The following NDE1 variants were observed in gnomAD, a reference collection of about 807,000 sequenced individuals.
The protein encoded by NDE1 is nuclear distribution protein nudE homolog 1.
Under a neutral mutation model 43.4 loss-of-function variants are expected in NDE1, and 28 were observed. That is an observed-to-expected ratio of 0.65 (90% CI 0.48 to 0.89). The LOEUF (loss-of-function observed/expected upper bound fraction) is 0.89. NDE1 is among the 40% of genes least tolerant of loss of function. The pLI is 0.00. For missense variants in NDE1, 441 were observed against 434.1 expected (o/e 1.02, Z -0.14); for synonymous variants, 184 against 172.0 (o/e 1.07, Z -0.55).
In NDE1 at chr16:15,663,414, AT is replaced by A. The variant is rs201413391; in HGVS notation, c.-43-1313del. Among the ~76,000 whole-genome samples, 6 of 148,780 alleles carry A rather than the reference AT, an allele frequency of 4.0e-5. No homozygotes were observed. In the East Asian group the frequency reaches 6.0e-4, roughly 15 times the overall value. On this transcript the variant is annotated intron_variant, in intron 1 of 8. Coordinates refer to ENST00000396354, the MANE Select transcript of NDE1 (RefSeq NM_017668.3). ...GCCACCACGCCCAGCTAATTTTTGT[AT>A]TTTTTTTTAGTAGAGACGGAGTTTC... is the stretch of plus-strand genomic sequence containing the variant.
chr16:15,694,326 C>G, intron 7 of NDE1, 70 bp downstream of exon 7: 4 of 1,580,824 alleles, frequency 2.5e-6, no homozygotes, highest in South Asian at 1.2e-5. Context: ...GGGGGTTGAT[C>G]TAGTTCCTTC....
intron 8 of NDE1, chr16:15,719,432 G>T: frequency 6.8e-7 from 1 of 1,467,866 alleles, no homozygotes; most frequent in East Asian, 2.3e-5. Context: ...GGGAGGCCCC[G>T]TGAATACATA....
In NDE1 at chr16:15,724,568, CCGCGATCTGCCTGCGGGGGATCTCAG is replaced by C; in HGVS notation, c.*321_*346del. On this transcript the variant is annotated 3_prime_UTR_variant, in exon 9 of 9. Transcript: ENST00000396354. Reference sequence around the variant, plus strand: ...CAAGCACCATCGCACCAACACTCCACCGCGATCTGCCTGCGGGGGATCTCAGCGCAGAGAAGTTGAGAGGACCCATG... The same window carrying C: ...CAAGCACCATCGCACCAACACTCCACCGCAGAGAAGTTGAGAGGACCCATG... The C allele has an allele frequency of 1.2e-6, 2 of 1,610,442 alleles. No homozygotes were observed. Among genetic ancestry groups the C allele is most frequent in the Non-Finnish European group, 1.7e-6 (2 of 1,178,472 alleles).
At chr16:15,720,507 G>A (rs981908458) in intron 8 of NDE1, among the ~76,000 whole-genome samples, 50 of 152,068 alleles carry the variant, frequency 3.3e-4, no homozygotes, top group Non-Finnish European at 1.8e-4. Flanking sequence ...AGCACTTTGG[G>A]AGGCCAACAG....
At chr16:15,710,338 T>C (rs1375602139) in intron 8 of NDE1, among the ~76,000 whole-genome samples, 1 of 152,056 alleles carries the variant, frequency 6.6e-6, no homozygotes, top group African/African-American at 2.4e-5. Flanking sequence ...CCAGCCAGTA[T>C]GGTGAAACCT....
chr16:15,696,831 C>A lies in NDE1; in HGVS notation c.918C>A (p.Ser306Arg). The A allele has an allele frequency of 6.2e-7, 1 of 1,614,194 alleles. No homozygotes were observed. The highest frequency in any genetic ancestry group is 8.5e-7 in the Non-Finnish European group (1 of 1,180,034). ...KNRDGGERRPSSTSVPLGDKG... is the reference protein window; with the variant it reads ...KNRDGGERRPRSTSVPLGDKG... ...GAGATGGCGGGGAGAGACGGCCAAG[C>A]AGCACCAGCGTGCCTTTGGGTGATA... is the stretch of plus-strand genomic sequence containing the variant. Residue 306 changes from serine (S) to arginine (R), a missense_variant, in exon 8 of 9, where the codon AGC becomes AGA. Transcript: ENST00000396354.
chr16:15,681,995 T>C (rs2038206580), intron 4 of NDE1, among the ~76,000 whole-genome samples: 1 of 152,260 alleles, frequency 6.6e-6, no homozygotes, highest in African/African-American at 2.4e-5. Flanking sequence ...CTCCAAGGTT[T>C]ATAAAGCAAT....
At chr16:15,657,983 C>T (rs2036854394) in intron 1 of NDE1, among the ~76,000 whole-genome samples, 1 of 152,174 alleles carries the variant, frequency 6.6e-6, no homozygotes, top group East Asian at 1.9e-4. Context: ...AGAAATCTAA[C>T]CCCAACTGGT....
At position 15,725,194 on chromosome 16, in the gene NDE1, C is replaced by T. The variant is rs149894916; in HGVS notation, c.*943C>T. ...AACAGAATCTGTGGCTTGAAGGGAA[C>T]TCCGTCACCTATGAGTTGGGACCCT... is the stretch of plus-strand genomic sequence containing the variant. On this transcript the variant is annotated 3_prime_UTR_variant, in exon 9 of 9. Transcript: ENST00000396354. 352 of 619,836 alleles carry T rather than the reference C, an allele frequency of 5.7e-4. No homozygotes were observed. The East Asian group carries it at 9.4e-3, about 17-fold the overall frequency. The allele number at this position is 619,836 out of a possible 1,614,324, so 38.4% of individuals were successfully genotyped here.
chr16:15,664,545 C>CG (rs1258723415), intron 1 of NDE1, among the ~76,000 whole-genome samples, 191 bp from the exon 2 acceptor site: 3 of 152,032 alleles, frequency 2.0e-5, no homozygotes, highest in African/African-American at 7.2e-5. Context: ...TTAGTAGAGA[C>CG]GGGGTTTCAC....
rs1448853511 is a variant in NDE1, at chr16:15,704,031, G to T, written c.947+7171G>T. The T allele has an allele frequency of 6.2e-7, 1 of 1,614,118 alleles. No homozygotes were observed. Among genetic ancestry groups the T allele is most frequent in the Non-Finnish European group, 8.5e-7 (1 of 1,180,030 alleles). On this transcript the variant is annotated intron_variant, in intron 8 of 8. Transcript: ENST00000396354. ...GGTTCCATTGAAGTCTGCGTCTCGA[G>T]TGTCCGTTTCCTCCTCAGAACCATC... is the stretch of plus-strand genomic sequence containing the variant.
chr16:15,716,856 C>T (rs1022769562), intron 8 of NDE1, among the ~76,000 whole-genome samples: 2 of 152,176 alleles, frequency 1.3e-5, no homozygotes, highest in African/African-American at 2.4e-5. Flanking sequence ...CCTGCAGAGG[C>T]TGGGAAAAGT....
intron 8 of NDE1, among the ~76,000 whole-genome samples, chr16:15,716,827 G>T (rs8058678): frequency 0.023 from 3,554 of 152,222 alleles, 68 homozygotes; most frequent in South Asian, 0.068. Context: ...TTGGATTTTT[G>T]ATCTGTCAGC....
At chr16:15,676,930 G>A (rs1338318495) in intron 3 of NDE1, among the ~76,000 whole-genome samples, 2 of 152,152 alleles carry the variant, frequency 1.3e-5, no homozygotes, top group South Asian at 2.1e-4. Flanking sequence ...CCATGTTGCC[G>A]TGTGGATGAG....
chr16:15,652,042 G>A (rs2036531482), intron 1 of NDE1: 1 of 151,836 alleles, frequency 6.6e-6, no homozygotes, highest in African/African-American at 2.4e-5. Flanking sequence ...TGAGTAGCTG[G>A]GATTACAGGT....
chr16:15,650,274 G>A lies in NDE1; in HGVS notation c.-64G>A. The A allele has an allele frequency of 3.2e-6, 1 of 313,964 alleles. No individual in the cohort carries two copies. The highest frequency in any genetic ancestry group is 6.6e-6 in the Non-Finnish European group (1 of 152,302). The allele number at this position is 313,964 out of a possible 1,614,324, so 19.4% of individuals were successfully genotyped here. ...CCGCCTCTGCCGCCGCCGCCGCGTTGGCCTCGCCGCCCCTGCTCGGGTAAG... is the reference window on the plus strand; with the variant it reads ...CCGCCTCTGCCGCCGCCGCCGCGTTAGCCTCGCCGCCCCTGCTCGGGTAAG... On this transcript the variant is annotated 5_prime_UTR_variant, in exon 1 of 9. Transcript: ENST00000396354.
At chr16:15,719,515 G>C in intron 8 of NDE1, 4 of 1,607,780 alleles carry the variant, frequency 2.5e-6, no homozygotes, top group Non-Finnish European at 3.4e-6. Flanking sequence ...GGAATGCACA[G>C]ACTGGAGCTG....
intron 6 of NDE1, 70 bp from the exon 7 acceptor site, chr16:15,694,095 T>A: frequency 1.3e-5 from 20 of 1,568,846 alleles, no homozygotes; most frequent in Non-Finnish European, 1.7e-5. Flanking sequence ...TGGTTTTGGA[T>A]CTAGCGATGT....
At chr16:15,673,591 G>A (rs1463031942) in intron 3 of NDE1, among the ~76,000 whole-genome samples, 1 of 151,186 alleles carries the variant, frequency 6.6e-6, no homozygotes, top group East Asian at 1.9e-4. Flanking sequence ...AGAGTGCAGT[G>A]GCATGATCAT....
Sources: allele counts gnomAD v4.1 joint callset (sites outside exome capture counted in the v4.1 genomes callset), GRCh38; gene constraint gnomAD v4.1.1; transcripts MANE v1.5; gene names NCBI Gene and HGNC (gene_info 2026-07-23, HGNC 2026-07-21).